CD58: variants seen among roughly 807,000 people sequenced by gnomAD.
CD58 encodes lymphocyte function-associated antigen 3.
CD58 carries 14 observed loss-of-function variants against 27.6 expected under a neutral mutation model. The observed-to-expected ratio is 0.51, with a 90% CI of 0.34 to 0.79. The LOEUF (loss-of-function observed/expected upper bound fraction) is 0.79. Ranked by LOEUF, CD58 falls within the 30% of genes least tolerant of loss-of-function variation. The pLI, the probability that CD58 is intolerant of heterozygous loss-of-function variation, is 0.02. For synonymous variants in CD58, 117 were observed against 103.8 expected (o/e 1.13, Z -0.77); for missense variants, 268 against 301.7 (o/e 0.89, Z 0.83).
intron 1 of CD58, among the ~76,000 whole-genome samples, chr1:116,569,083 G>T (rs1659037523): frequency 6.6e-6 from 1 of 152,258 alleles, no homozygotes; most frequent in Non-Finnish European, 1.5e-5. Flanking sequence ...TGGAGGTGGA[G>T]CTTGGGCAAA....
In CD58 at chr1:116,521,107, T is replaced by G. The variant is rs1657250246; in HGVS notation, c.706+799A>C. Among the ~76,000 whole-genome samples the G allele has an allele frequency of 6.6e-6, 1 of 152,202 alleles. No homozygotes were observed. The highest frequency in any genetic ancestry group is 2.1e-4 in the South Asian group (1 of 4,832). Reference sequence around the variant, plus strand: ...TAAATGATATATTTAAATAATCATATGTGGCTAATTGGCTACTATACTAAA... The same window carrying G: ...TAAATGATATATTTAAATAATCATAGGTGGCTAATTGGCTACTATACTAAA... On this transcript the variant is annotated intron_variant, in intron 4 of 5. Coordinates refer to ENST00000369489, the MANE Select transcript of CD58 (RefSeq NM_001779.3). This position sits in a 1 kb window ranked among gnomAD's most constrained non-coding sequence, Gnocchi z 5.6.
At chr1:116,518,323 C>A (rs1348307002) in intron 5 of CD58, among the ~76,000 whole-genome samples, 4 of 151,876 alleles carry the variant, frequency 2.6e-5, no homozygotes, top group Non-Finnish European at 5.9e-5. Flanking sequence ...TGACTCAGGC[C>A]CTCTTCTCTG....
At chr1:116,549,342 T>G (rs931073598) in intron 1 of CD58, among the ~76,000 whole-genome samples, 1 of 152,166 alleles carries the variant, frequency 6.6e-6, no homozygotes, top group African/African-American at 2.4e-5. Context: ...AAAGAAGTTC[T>G]GAGGCACAAG....
chr1:116,544,291 T>A lies in CD58; in HGVS notation c.364+20A>T. On this transcript the variant is annotated intron_variant, in intron 2 of 5. Transcript: ENST00000369489. ...ATGGAAATTTGCCATTTTAAACAAATCAACTTATGGAATACTCACCAAGCA... is the reference window on the plus strand; with the variant it reads ...ATGGAAATTTGCCATTTTAAACAAAACAACTTATGGAATACTCACCAAGCA... 1 of 1,553,810 alleles carries A rather than the reference T, an allele frequency of 6.4e-7. No homozygotes were observed. The highest frequency in any genetic ancestry group is 2.4e-4 in the Middle Eastern group (1 of 4,196).
In CD58 at chr1:116,536,615, C is replaced by T. The variant is rs1657817062; in HGVS notation, c.365-387G>A. Among the ~76,000 whole-genome samples the T allele has an allele frequency of 6.6e-6, 1 of 151,986 alleles. No homozygotes were observed. Among genetic ancestry groups the T allele is most frequent in the African/African-American group, 2.4e-5 (1 of 41,294 alleles). ...AAGTGTGTGGCAGTTCTCTCTCTCT[C>T]CTGCTGCCTTGTGAAAAAAGTGCTT... On this transcript the variant is annotated intron_variant, in intron 2 of 5. Coordinates refer to ENST00000369489, the MANE Select transcript of CD58 (RefSeq NM_001779.3). The surrounding 1 kb of genome is among the most constrained non-coding windows in gnomAD (Gnocchi z 5.4).
chr1:116,536,256 CA>C lies in CD58; in HGVS notation c.365-29del. On this transcript the variant is annotated intron_variant, in intron 2 of 5. Transcript: ENST00000369489. The surrounding 1 kb of genome is among the most constrained non-coding windows in gnomAD (Gnocchi z 5.4). ...GGAAAAAAAAGTATAATATTTAGTA[CA>C]GAAAATAGTAATATTTAGACTTATC... 1 of 1,546,242 alleles carries C rather than the reference CA, an allele frequency of 6.5e-7. No individual in the cohort carries two copies. The highest frequency in any genetic ancestry group is 8.8e-7 in the Non-Finnish European group (1 of 1,135,782).
At chr1:116,568,798 T>C (rs752927625) in intron 1 of CD58, among the ~76,000 whole-genome samples, 19 of 152,228 alleles carry the variant, frequency 1.2e-4, no homozygotes, top group Non-Finnish European at 2.6e-4. Flanking sequence ...GTTAGGGAAC[T>C]CACACAAGTT....
chr1:116,544,222 A>G, intron 2 of CD58, 89 bp downstream of exon 2: 1 of 876,214 alleles, frequency 1.1e-6, no homozygotes, highest in South Asian at 1.7e-5. Context: ...TTCTTTTCTC[A>G]TAGACCATTA....
chr1:116,518,562 G>A (rs1358017516), intron 5 of CD58: 4 of 570,342 alleles, frequency 7.0e-6, no homozygotes, highest in South Asian at 7.7e-5. Flanking sequence ...CTGCTCCAAA[G>A]AGGATGGCTT....
In CD58 at chr1:116,570,033, G is replaced by A. The variant is rs3176856; in HGVS notation, c.70+870C>T. 9.9e-4 allele frequency among the ~76,000 whole-genome samples: 151 copies of A among 152,360 alleles called. No individual in the cohort carries two copies. Among genetic ancestry groups the A allele is most frequent in the African/African-American group, 3.4e-3 (143 of 41,584 alleles). ...GCAGGCAGCGGACGCTGAGCAAACG[G>A]ACGGACGGGCTGGAGGGCTGGCAGT... On this transcript the variant is annotated intron_variant, in intron 1 of 5. Transcript: ENST00000369489. This position sits in a 1 kb window ranked among gnomAD's most constrained non-coding sequence, Gnocchi z 6.4.
At chr1:116,514,951 G>T in intron 5 of CD58, 129 bp from the exon 6 acceptor site, 1 of 623,174 alleles carries the variant, frequency 1.6e-6, no homozygotes, top group Non-Finnish European at 2.8e-6. Flanking sequence ...AGCCAAGGGA[G>T]CTAGGGAGCA....
At chr1:116,537,677 T>C (rs1052473179) in intron 2 of CD58, among the ~76,000 whole-genome samples, 2 of 152,228 alleles carry the variant, frequency 1.3e-5, no homozygotes, top group Non-Finnish European at 2.9e-5. Flanking sequence ...ATTCTGCCAT[T>C]GTTGCCCTTT....
Position 116,557,836 on chromosome 1 carries a change from G to C in CD58, c.70+13067C>G, listed in dbSNP as rs1244162981. ...CTACAGTTGCATGCCACCACGCCCAGCTAATTTTTATATTTTTTGTAGAAA... is the reference window on the plus strand; with the variant it reads ...CTACAGTTGCATGCCACCACGCCCACCTAATTTTTATATTTTTTGTAGAAA... On this transcript the variant is annotated intron_variant, in intron 1 of 5. Transcript: ENST00000369489. The surrounding 1 kb of genome is among the most constrained non-coding windows in gnomAD (Gnocchi z 5.2). 6.6e-6 allele frequency among the ~76,000 whole-genome samples: 1 copy of C among 151,946 alleles called. No homozygotes were observed. Among genetic ancestry groups the C allele is most frequent in the East Asian group, 1.9e-4 (1 of 5,194 alleles).
At chr1:116,549,993 CA>C in intron 1 of CD58, among the ~76,000 whole-genome samples, 1 of 151,844 alleles carries the variant, frequency 6.6e-6, no homozygotes, top group East Asian at 1.9e-4. Flanking sequence ...TCTAAAAACA[CA>C]ATGTACATAT....
intron 1 of CD58, among the ~76,000 whole-genome samples, chr1:116,566,257 A>C (rs1407572785): frequency 6.6e-6 from 1 of 152,228 alleles, no homozygotes; most frequent in African/African-American, 2.4e-5. Flanking sequence ...TTTGGGGTTT[A>C]ATGTAGATTA....
At chr1:116,537,943 AATG>A (rs1399684216) in intron 2 of CD58, among the ~76,000 whole-genome samples, 1 of 152,226 alleles carries the variant, frequency 6.6e-6, no homozygotes, top group East Asian at 1.9e-4. Context: ...TGTCATTTAA[AATG>A]ATGTTTTCTA....
intron 1 of CD58, among the ~76,000 whole-genome samples, chr1:116,558,974 AACAG>A (rs1439962094): frequency 6.6e-6 from 1 of 152,252 alleles, no homozygotes; most frequent in Non-Finnish European, 1.5e-5. Flanking sequence ...CAATGAACAA[AACAG>A]ACAAAATCCC....
Position 116,517,806 on chromosome 1 carries a change from G to A in CD58, c.743+1425C>T, listed in dbSNP as rs1657132062. On this transcript the variant is annotated intron_variant, in intron 5 of 5. Transcript: ENST00000369489. The surrounding 1 kb of genome is among the most constrained non-coding windows in gnomAD (Gnocchi z 6.5). ...TCCGTAACTCTAGCGTGAAGCCCAC[G>A]CTCCAATTCTGTGCATGGACATCAC... 6.6e-6 allele frequency among the ~76,000 whole-genome samples: 1 copy of A among 152,094 alleles called. No homozygotes were observed. Among genetic ancestry groups the A allele is most frequent in the South Asian group, 2.1e-4 (1 of 4,830 alleles).
At chr1:116,564,456 T>C (rs1658866480) in intron 1 of CD58, among the ~76,000 whole-genome samples, 1 of 152,222 alleles carries the variant, frequency 6.6e-6, no homozygotes, top group African/African-American at 2.4e-5. Context: ...ACTATATTAG[T>C]CCATTCTCAT....
Sources: allele counts gnomAD v4.1 joint callset (sites outside exome capture counted in the v4.1 genomes callset), GRCh38; gene constraint gnomAD v4.1.1; non-coding constraint Gnocchi (gnomAD v3.1); transcripts MANE v1.5; gene names NCBI Gene and HGNC (gene_info 2026-07-23, HGNC 2026-07-21).